The following PSMA1 variants were observed in gnomAD, a reference collection of about 807,000 sequenced individuals.
The protein encoded by PSMA1 is proteasome 20S subunit alpha 1, also known as proteasome subunit alpha type-1.
In PSMA1, 3 loss-of-function variants were observed where a neutral mutation model predicts 38.4. The ratio of observed to expected loss-of-function variants is 0.08; its 90% CI spans 0.04 to 0.20. The LOEUF is 0.20. Among genes scored for constraint, PSMA1 ranks in the 10% least tolerant of loss-of-function variants. The pLI is 1.00. For synonymous variants in PSMA1, 101 were observed against 107.1 expected, an observed-to-expected ratio of 0.94 and a Z score of 0.35; for missense variants, 227 against 325.3, an observed-to-expected ratio of 0.70 and a Z score of 2.32.
intron 2 of PSMA1, among the ~76,000 whole-genome samples, chr11:14,610,527 G>A (rs16930375): frequency 0.018 from 2,816 of 152,280 alleles, 85 homozygotes; most frequent in African/African-American, 0.065. Flanking sequence ...TCTAGTGAGT[G>A]TCTACACCTA....
At chr11:14,598,464 C>A (rs1590004689) in intron 2 of PSMA1, among the ~76,000 whole-genome samples, 1 of 152,012 alleles carries the variant, frequency 6.6e-6, no homozygotes, top group Non-Finnish European at 1.5e-5. Flanking sequence ...GGACAGTTAG[C>A]TCTTCTTGTT....
chr11:14,517,812 A>G lies in PSMA1; in HGVS notation c.151-67T>C, dbSNP rs934823991. ...AGACAAATGTAAAAATAAGTTTACA[A>G]CCTTATTTTCTATGGTGAAATTTAC... is the stretch of plus-strand genomic sequence containing the variant. On this transcript the variant is annotated intron_variant, in intron 3 of 9. Transcript: ENST00000396394. 4.6e-6 allele frequency: 7 copies of G among 1,528,256 alleles called. No homozygotes were observed. The African/African-American group carries it at 9.8e-5, about 22-fold the overall frequency. 94.7% of individuals were successfully genotyped at this position (1,528,256 alleles called of 1,614,324 possible).
intron 2 of PSMA1, among the ~76,000 whole-genome samples, chr11:14,610,235 T>C (rs1356651760): frequency 6.6e-6 from 1 of 152,220 alleles, no homozygotes; most frequent in Non-Finnish European, 1.5e-5. Context: ...ATTAATGTTT[T>C]ACTCAAAGTG....
chr11:14,537,984 C>T (rs1204248682), intron 2 of PSMA1, among the ~76,000 whole-genome samples: 4 of 152,110 alleles, frequency 2.6e-5, no homozygotes, highest in African/African-American at 7.2e-5. Flanking sequence ...GCTGGGATTA[C>T]AAGTGTGAGC....
At chr11:14,641,776 T>C (rs909930158) in intron 1 of PSMA1, among the ~76,000 whole-genome samples, 1 of 152,246 alleles carries the variant, frequency 6.6e-6, no homozygotes, top group Admixed American at 6.5e-5. Context: ...ATAAATAATA[T>C]AAAAGGTTGC....
intron 2 of PSMA1, among the ~76,000 whole-genome samples, chr11:14,535,071 C>G (rs180679959): frequency 7.9e-4 from 120 of 151,976 alleles, no homozygotes; most frequent in Non-Finnish European, 1.5e-3. Flanking sequence ...GAGACTCCAT[C>G]TCAGGAAAAA....
chr11:14,520,585 T>C (rs1268514622), upstream of PSMA1: 4 of 912,068 alleles, frequency 4.4e-6, no homozygotes, highest in African/African-American at 6.7e-5. Flanking sequence ...GGGCAGCCCC[T>C]GTCACGTAGC....
Position 14,534,194 on chromosome 11 carries a change from AT to A in PSMA1, c.22-15154del, listed in dbSNP as rs1851679207. On this transcript the variant is annotated intron_variant, in intron 2 of 10. Transcript: ENST00000418988. The surrounding 1 kb of genome is among the most constrained non-coding windows in gnomAD (Gnocchi z 4.5). ...AAAACTCTGCCTCAAAAATACATAC[AT>A]ACATACATACATAAATAAAATAAAA... is the stretch of plus-strand genomic sequence containing the variant. Among the ~76,000 whole-genome samples, 1 of 152,228 alleles carries A rather than the reference AT, an allele frequency of 6.6e-6. No homozygotes were observed. The highest frequency in any genetic ancestry group is 2.1e-4 in the South Asian group (1 of 4,818).
rs865968901 is a variant in PSMA1 at position 14,557,118 on chromosome 11, A to T, written c.22-38077T>A. On this transcript the variant is annotated intron_variant, in intron 2 of 10. Transcript: ENST00000418988. ...CCAAAGTTCTGGGAATCCAGGCATA[A>T]GCGACTGCACCCTGCTCATTCTTTC... Among the ~76,000 whole-genome samples, 175 of 152,326 alleles carry T rather than the reference A, an allele frequency of 1.1e-3. 1 individual carries two copies. Among genetic ancestry groups the T allele is most frequent in the African/African-American group, 4.0e-3 (166 of 41,588 alleles).
intron 1 of PSMA1, among the ~76,000 whole-genome samples, chr11:14,635,597 T>C (rs1445227594): frequency 6.6e-6 from 1 of 152,198 alleles, no homozygotes; most frequent in Non-Finnish European, 1.5e-5. Context: ...GTAGATCTAG[T>C]TGTTTGTTTA....
intron 2 of PSMA1, among the ~76,000 whole-genome samples, chr11:14,527,006 T>G (rs1002887436): frequency 1.3e-5 from 2 of 152,152 alleles, no homozygotes; most frequent in African/African-American, 4.8e-5. Flanking sequence ...TACTGACTCT[T>G]AATATGCCTT....
intron 1 of PSMA1, 142 bp downstream of exon 1, chr11:14,520,155 C>G: frequency 7.6e-7 from 1 of 1,324,076 alleles, no homozygotes; most frequent in Middle Eastern, 2.6e-4. Context: ...GATGCTGAAT[C>G]ACTGCCGGAG....
At chr11:14,517,546 G>C (rs557796310) in intron 4 of PSMA1, 96 bp downstream of exon 4, 124 of 997,666 alleles carry the variant, frequency 1.2e-4, no homozygotes, top group Non-Finnish European at 1.6e-4. Context: ...AAGAACTTTG[G>C]CAGACAACTT....
intron 3 of PSMA1, 25 bp from the exon 4 acceptor site, chr11:14,517,770 A>AT: frequency 3.8e-5 from 1 of 26,182 alleles, no homozygotes; most frequent in South Asian, 1.2e-3. Flanking sequence ...TATAAGATGT[A>AT]AAAAAAAAAA....
At chr11:14,533,071 C>T (rs1190173412) in intron 2 of PSMA1, among the ~76,000 whole-genome samples, 1 of 152,056 alleles carries the variant, frequency 6.6e-6, no homozygotes, top group Non-Finnish European at 1.5e-5. Context: ...GTATATACAT[C>T]GTGTGTACAT....
intron 2 of PSMA1, among the ~76,000 whole-genome samples, chr11:14,573,926 A>G (rs1852180658): frequency 6.6e-6 from 1 of 152,198 alleles, no homozygotes; most frequent in Non-Finnish European, 1.5e-5. Flanking sequence ...AATTTGAGAT[A>G]TATGATTTAG....
At chr11:14,619,814 G>C (rs1213440586) in intron 1 of PSMA1, among the ~76,000 whole-genome samples, 2 of 152,100 alleles carry the variant, frequency 1.3e-5, no homozygotes, top group African/African-American at 4.8e-5. Flanking sequence ...TGAGTACTGG[G>C]AAAAATTTGT....
exon 2 of PSMA1, chr11:14,611,037 G>A: frequency 6.4e-7 from 1 of 1,573,850 alleles, no homozygotes; most frequent in Non-Finnish European, 8.7e-7. Flanking sequence ...ACATAGGTCT[G>A]GATTTGACTT....
chr11:14,558,863 T>C (rs1056258097), intron 2 of PSMA1, among the ~76,000 whole-genome samples: 2 of 152,136 alleles, frequency 1.3e-5, no homozygotes, highest in African/African-American at 4.8e-5. Flanking sequence ...ACACGAAATA[T>C]AGTGGGCCTT....
Sources: allele counts gnomAD v4.1 joint callset (sites outside exome capture counted in the v4.1 genomes callset), GRCh38; gene constraint gnomAD v4.1.1; non-coding constraint Gnocchi (gnomAD v3.1); transcripts MANE v1.5; gene names NCBI Gene and HGNC (gene_info 2026-07-23, HGNC 2026-07-21).